Variants in MMP16 observed in about 807,000 individuals in gnomAD.
MMP16 encodes the protein matrix metalloproteinase-16.
A neutral mutation model predicts 67.8 loss-of-function variants in MMP16; 12 were observed. The observed-to-expected ratio is 0.18, with a 90% CI of 0.11 to 0.29. The LOEUF (loss-of-function observed/expected upper bound fraction) is 0.29. Among genes scored for constraint, MMP16 ranks in the 10% least tolerant of loss-of-function variants. The pLI is 1.00. For missense variants in MMP16, 475 were observed against 765.7 expected, an observed-to-expected ratio of 0.62 and a Z score of 4.48; for synonymous variants, 249 against 255.9, an observed-to-expected ratio of 0.97 and a Z score of 0.26.
At chr8:88,298,101 G>T (rs1403080057) in intron 1 of MMP16, among the ~76,000 whole-genome samples, 1 of 152,200 alleles carries the variant, frequency 6.6e-6, no homozygotes, top group Non-Finnish European at 1.5e-5. Context: ...AATTATACCT[G>T]TGCCTGTTCA....
At position 88,197,301 on chromosome 8, in the gene MMP16, C is replaced by A; in HGVS notation, c.138G>T (p.Trp46Cys). Reference sequence around the variant, plus strand: ...GTGGAAGGTAGCCGTACTTTTGTAACCAAACCTGCAATAACAAGTACAGTT... The same window carrying A: ...GTGGAAGGTAGCCGTACTTTTGTAAACAAACCTGCAATAACAAGTACAGTT... ...GTEQYFNVEV[W>C]LQKYGYLPPT... The change falls in exon 2 of 10, where the codon TGG becomes TGT. Residue 46 changes from tryptophan to cysteine, a missense_variant. Around this residue, in one of 5 missense-constraint regions of MMP16, gnomAD observed 170 missense variants for 239.6 expected, o/e 0.71. Transcript: ENST00000286614. The A allele has an allele frequency of 1.3e-6, 2 of 1,554,916 alleles. No homozygotes were observed. Among genetic ancestry groups the A allele is most frequent in the South Asian group, 1.2e-5 (1 of 81,918 alleles).
chr8:88,133,293 T>A (rs556644055), intron 4 of MMP16, among the ~76,000 whole-genome samples: 1 of 150,962 alleles, frequency 6.6e-6, no homozygotes, highest in South Asian at 2.1e-4. Context: ...TAAAGAAAAA[T>A]TATACAGCTC....
chr8:88,052,036 C>T (rs1005821321), intron 8 of MMP16, among the ~76,000 whole-genome samples: 12 of 152,160 alleles, frequency 7.9e-5, no homozygotes, highest in African/African-American at 2.4e-4. Context: ...ATTTCATCTA[C>T]TCTCTTTAGC....
intron 2 of MMP16, among the ~76,000 whole-genome samples, chr8:88,189,027 A>G (rs1185276466): frequency 6.6e-6 from 1 of 152,134 alleles, no homozygotes; most frequent in African/African-American, 2.4e-5. Flanking sequence ...TCCCTTATAT[A>G]AGTCTTGGGC....
At chr8:88,113,365 A>T (rs1351278376) in intron 6 of MMP16, among the ~76,000 whole-genome samples, 1 of 151,776 alleles carries the variant, frequency 6.6e-6, no homozygotes, top group Non-Finnish European at 1.5e-5. Flanking sequence ...TTAGGAGAAA[A>T]TAAGTGTTGA....
chr8:88,126,611 C>T lies in MMP16; in HGVS notation c.710-7750G>A, dbSNP rs189277968. On this transcript the variant is annotated intron_variant, in intron 4 of 9. Coordinates refer to ENST00000286614, the MANE Select transcript of MMP16 (RefSeq NM_005941.5). ...TGGTGACTATGTGAGATGAACAATG[C>T]GTTAACTAACATGATTGTGGTAATC... 2.7e-3 allele frequency among the ~76,000 whole-genome samples: 414 copies of T among 151,866 alleles called. 2 individuals are homozygous for T. Among genetic ancestry groups the T allele is most frequent in the African/African-American group, 9.5e-3 (394 of 41,492 alleles).
chr8:88,238,598 G>A (rs186496944), intron 1 of MMP16, among the ~76,000 whole-genome samples: 60 of 150,392 alleles, frequency 4.0e-4, no homozygotes, highest in African/African-American at 1.3e-3. Context: ...CACAGGAGGC[G>A]GAGGTTGCAG....
intron 2 of MMP16, among the ~76,000 whole-genome samples, chr8:88,187,772 A>G (rs1310521622): frequency 6.6e-6 from 1 of 152,248 alleles, no homozygotes; most frequent in Non-Finnish European, 1.5e-5. Flanking sequence ...ACTTTTCCAG[A>G]AAACATTAAA....
Position 88,327,334 on chromosome 8 carries a change from C to CAGCCG in MMP16, c.-133_-129dup. ...GGTAAGGAGCCTGCAGGTTCACCCA[C>CAGCCG]AGCCGGGCAAGGGGAGGAGACAGGG... is the stretch of plus-strand genomic sequence containing the variant. On this transcript the variant is annotated 5_prime_UTR_variant, in exon 1 of 10. Coordinates refer to ENST00000286614, the MANE Select transcript of MMP16 (RefSeq NM_005941.5). 7.8e-7 allele frequency: 1 copy of CAGCCG among 1,285,104 alleles called. No homozygotes were observed. Among genetic ancestry groups the CAGCCG allele is most frequent in the Admixed American group, 2.0e-5 (1 of 49,588 alleles). 79.6% of individuals were successfully genotyped at this position (1,285,104 alleles called of 1,614,324 possible). A position where few individuals can be genotyped will look rare whatever the true frequency, so the allele number is the denominator to read the frequency against.
At chr8:88,068,946 C>T (rs1465164644) in intron 7 of MMP16, among the ~76,000 whole-genome samples, 1 of 152,148 alleles carries the variant, frequency 6.6e-6, no homozygotes, top group African/African-American at 2.4e-5. Flanking sequence ...GAGTGATCCA[C>T]TTGCCTCCCC....
At chr8:88,118,390 A>G (rs1809474794) in intron 5 of MMP16, among the ~76,000 whole-genome samples, 1 of 151,970 alleles carries the variant, frequency 6.6e-6, no homozygotes, top group African/African-American at 2.4e-5. Flanking sequence ...CATTTATTAC[A>G]TATTTTTACC....
chr8:88,259,895 G>A (rs897210635), intron 1 of MMP16, among the ~76,000 whole-genome samples: 13 of 152,164 alleles, frequency 8.5e-5, no homozygotes, highest in African/African-American at 1.9e-4. Flanking sequence ...TTCCCTAAGC[G>A]TTCAGTCTGG....
At chr8:88,135,488 T>C (rs10099888) in intron 4 of MMP16, among the ~76,000 whole-genome samples, 29,233 of 151,742 alleles carry the variant, frequency 0.19, 3,204 homozygotes, top group Middle Eastern at 0.25. Context: ...ACAGTTCTAT[T>C]ATGATTTTGT....
intron 1 of MMP16, among the ~76,000 whole-genome samples, chr8:88,222,147 T>C (rs2129848743): frequency 6.6e-6 from 1 of 152,112 alleles, no homozygotes; most frequent in South Asian, 2.1e-4. Context: ...AACAGTATTG[T>C]AGAAAAACAA....
intron 7 of MMP16, among the ~76,000 whole-genome samples, chr8:88,071,703 T>A (rs1273103493): frequency 1.3e-5 from 2 of 152,176 alleles, no homozygotes; most frequent in African/African-American, 4.8e-5. Flanking sequence ...CTTGGTTCAT[T>A]CGATCAATCT....
chr8:88,081,756 T>TCAAA (rs1808754886), intron 6 of MMP16, among the ~76,000 whole-genome samples: 1 of 152,054 alleles, frequency 6.6e-6, no homozygotes, highest in South Asian at 2.1e-4. Context: ...TAAAAACAGT[T>TCAAA]TTTTTTATAA....
chr8:88,247,256 C>T (rs1156392795), intron 1 of MMP16, among the ~76,000 whole-genome samples: 1 of 152,098 alleles, frequency 6.6e-6, no homozygotes, highest in Non-Finnish European at 1.5e-5. Flanking sequence ...AGATTGCCAA[C>T]AAAAGTCTAT....
chr8:88,126,198 A>T (rs1586164143), intron 4 of MMP16, among the ~76,000 whole-genome samples: 1 of 151,962 alleles, frequency 6.6e-6, no homozygotes, highest in Admixed American at 6.6e-5. Flanking sequence ...GCATATAATT[A>T]TTTTTCTACT....
intron 4 of MMP16, among the ~76,000 whole-genome samples, chr8:88,142,885 G>A (rs530075634): frequency 6.6e-6 from 1 of 152,138 alleles, no homozygotes; most frequent in African/African-American, 2.4e-5. Context: ...ATTCTCGATT[G>A]TTCTATTGTC....
Sources: allele counts gnomAD v4.1 joint callset (sites outside exome capture counted in the v4.1 genomes callset), GRCh38; gene constraint gnomAD v4.1.1; regional missense constraint gnomAD v4.1.1; transcripts MANE v1.5; gene names NCBI Gene and HGNC (gene_info 2026-07-23, HGNC 2026-07-21).